Variants in CTBP2 observed in about 807,000 individuals in gnomAD.
CTBP2 encodes C-terminal binding protein 2.
CTBP2 carries 30 observed loss-of-function variants against 80.3 expected under a neutral mutation model. The observed-to-expected ratio is 0.37, with a 90% CI of 0.28 to 0.51. CTBP2 has a LOEUF of 0.51. Among genes scored for constraint, CTBP2 ranks in the 20% least tolerant of loss-of-function variants. The pLI, the probability that CTBP2 is intolerant of heterozygous loss-of-function variation, is 0.93. For missense variants in CTBP2, 1,212 were observed against 1,375.3 expected, an observed-to-expected ratio of 0.88 and a Z score of 1.88; for synonymous variants, 594 against 587.4, an observed-to-expected ratio of 1.01 and a Z score of -0.16.
At position 125,090,079 on chromosome 10, in the gene CTBP2, T is replaced by C. The variant is rs1848541561; in HGVS notation, c.-102+20911A>G. ...TGCTCTGGACAGGTAACTCCCCCTT[T>C]CATGGGCAGGGGTGGTAAAAGGAGC... is the stretch of plus-strand genomic sequence containing the variant. On this transcript the variant is annotated intron_variant, in intron 2 of 10. Transcript: ENST00000337195. Among the ~76,000 whole-genome samples, 4 of 151,956 alleles carry C rather than the reference T, an allele frequency of 2.6e-5. No homozygotes were observed. In the South Asian group the frequency reaches 8.3e-4, roughly 32 times the overall value.
intron 2 of CTBP2, among the ~76,000 whole-genome samples, chr10:125,052,511 C>T (rs1963020144): frequency 6.6e-6 from 1 of 152,238 alleles, no homozygotes; most frequent in Non-Finnish European, 1.5e-5. Flanking sequence ...ATTGTTTGGA[C>T]CGTCCTGCCT....
rs558467101 is a variant in CTBP2 at position 124,985,231 on chromosome 10, CTTT to C, written c.*4284_*4286del. ...AAAAACTAATTTTATTAAGACAGAA[CTTT>C]TTTTCCTTCCAAATTGTAAATCTGT... On this transcript the variant is annotated 3_prime_UTR_variant, in exon 9 of 9. Coordinates refer to ENST00000309035, the MANE Select transcript of CTBP2 (RefSeq NM_022802.3). 15 of 418,646 alleles carry C rather than the reference CTTT, an allele frequency of 3.6e-5. No individual in the cohort carries two copies. Among genetic ancestry groups the C allele is most frequent in the Non-Finnish European group, 5.9e-5 (14 of 235,880 alleles). The allele number at this position is 418,646 out of a possible 1,614,324, so 25.9% of individuals were successfully genotyped here.
Position 124,993,920 on chromosome 10 carries a change from T to A in CTBP2, c.2466A>T (p.Ala822=). 6.2e-7 allele frequency: 1 copy of A among 1,614,194 alleles called. No individual in the cohort carries two copies. Residue 822 remains alanine, a synonymous_variant, in exon 6 of 9, where the codon GCA becomes GCT. Coordinates refer to ENST00000309035, the MANE Select transcript of CTBP2 (RefSeq NM_022802.3). ...GTATCCTGCCCTCCTTGAGGGCTTGTGCTAAGGCTTTCTCGTCCACCAGGC... is the reference window on the plus strand; with the variant it reads ...GTATCCTGCCCTCCTTGAGGGCTTGAGCTAAGGCTTTCTCGTCCACCAGGC...
chr10:125,086,252 C>T (rs1847946706), intron 2 of CTBP2, among the ~76,000 whole-genome samples: 1 of 152,076 alleles, frequency 6.6e-6, no homozygotes, highest in Admixed American at 6.6e-5. Context: ...CTCTTTTGGC[C>T]AAGGCTCGGT....
At chr10:125,060,989 G>A (rs1207647996) in intron 2 of CTBP2, among the ~76,000 whole-genome samples, 1 of 152,096 alleles carries the variant, frequency 6.6e-6, no homozygotes, top group Admixed American at 6.5e-5. Flanking sequence ...GCACGCTAGG[G>A]CAGCCCATAG....
intron 2 of CTBP2, among the ~76,000 whole-genome samples, chr10:125,045,718 T>G (rs961823789): frequency 3.3e-5 from 5 of 152,154 alleles, no homozygotes; most frequent in African/African-American, 4.8e-5. Context: ...CTCAAACTCC[T>G]GACTTCAGGT....
At position 124,999,771 on chromosome 10, in the gene CTBP2, A is replaced by C. The variant is rs1201872965; in HGVS notation, c.1979-1601T>G. The C allele has an allele frequency of 2.0e-5, 3 of 152,276 alleles. No individual in the cohort carries two copies. The East Asian group carries it at 5.8e-4, about 29-fold the overall frequency. The allele number at this position is 152,276 out of a possible 1,614,324, so 9.4% of individuals were successfully genotyped here. A position where few individuals can be genotyped will look rare whatever the true frequency, so the allele number is the denominator to read the frequency against. On this transcript the variant is annotated intron_variant, in intron 3 of 8. Coordinates refer to ENST00000309035, the MANE Select transcript of CTBP2 (RefSeq NM_022802.3). ...AGCAGAGAAGCTGGGGCTTGATCAC[A>C]TGCCATGTTATTATTAAGTCAGACA...
chr10:125,149,898 G>A (rs552525578), intron 1 of CTBP2, among the ~76,000 whole-genome samples: 1 of 152,322 alleles, frequency 6.6e-6, no homozygotes, highest in African/African-American at 2.4e-5. Context: ...TCTTTGAAAA[G>A]AAGGCTGTTC....
At chr10:125,046,109 A>AC (rs35665159) in intron 2 of CTBP2, among the ~76,000 whole-genome samples, 14,676 of 152,134 alleles carry the variant, frequency 0.096, 791 homozygotes, top group South Asian at 0.21. Flanking sequence ...ATTACGGTGT[A>AC]CCCCCCAAAT....
In CTBP2 at chr10:125,007,198, A is replaced by G. The variant is rs1014582104; in HGVS notation, c.1679-3706T>C. On this transcript the variant is annotated intron_variant, in intron 1 of 8. Transcript: ENST00000309035. ...ATGACATCAGTGCCTTACTGTTGAC[A>G]GCTTGCCCACATTAACTGTGTAGAG... 4.8e-4 allele frequency among the ~76,000 whole-genome samples: 73 copies of G among 152,368 alleles called. 3 individuals carry two copies. Among genetic ancestry groups the G allele is most frequent in the Admixed American group, 4.5e-3 (69 of 15,310 alleles).
chr10:125,152,273 C>A (rs1039345373), intron 1 of CTBP2, among the ~76,000 whole-genome samples: 1 of 152,182 alleles, frequency 6.6e-6, no homozygotes, highest in Non-Finnish European at 1.5e-5. Context: ...GGAGGCCCGT[C>A]CTTGCAGCAG....
At chr10:125,104,305 G>A (rs1264178597) in intron 2 of CTBP2, among the ~76,000 whole-genome samples, 1 of 152,178 alleles carries the variant, frequency 6.6e-6, no homozygotes, top group Non-Finnish European at 1.5e-5. Context: ...GCTCTGCACT[G>A]CTGCTCATCC....
intron 1 of CTBP2, among the ~76,000 whole-genome samples, chr10:125,122,034 C>T (rs1854413352): frequency 6.6e-6 from 1 of 152,242 alleles, no homozygotes; most frequent in Non-Finnish European, 1.5e-5. Flanking sequence ...AGTCCTGGCT[C>T]CCCAAAAAGC....
intron 2 of CTBP2, 104 bp from the exon 5 acceptor site, chr10:125,003,208 G>A (rs1954771581): frequency 2.5e-6 from 4 of 1,584,502 alleles, no homozygotes; most frequent in East Asian, 2.2e-5. Flanking sequence ...TGAGGCAGAG[G>A]AGTTCAGCAG....
chr10:125,026,717 C>T lies in CTBP2; in HGVS notation c.1043G>A (p.Ser348Asn), dbSNP rs773510491. The stretch of plus-strand genomic sequence containing the variant: ...CCGCAGCTGCATTTCGGTCCTGCAG[C>T]TATTGGCCAGGCGGCTCAGAACACG... The change falls in exon 1 of 9, where the codon AGC (serine) becomes AAC (asparagine). Residue 348 changes from serine (S) to asparagine (N), a missense_variant. Physicochemically the swap from Ser to Asn is conservative, Grantham distance 46. Transcript: ENST00000309035. 3.4e-5 allele frequency: 55 copies of T among 1,612,718 alleles called. No individual in the cohort carries two copies. Among genetic ancestry groups the T allele is most frequent in the Non-Finnish European group, 4.2e-5 (49 of 1,179,914 alleles).
chr10:125,053,977 C>T (rs1032351771), intron 2 of CTBP2, among the ~76,000 whole-genome samples: 6 of 152,058 alleles, frequency 3.9e-5, no homozygotes, highest in East Asian at 1.9e-4. Flanking sequence ...CTGGGGAATC[C>T]GAAGCCGGAT....
intron 2 of CTBP2, among the ~76,000 whole-genome samples, chr10:125,077,423 T>C (rs1307070751): frequency 6.6e-6 from 1 of 152,124 alleles, no homozygotes; most frequent in Non-Finnish European, 1.5e-5. Flanking sequence ...GACTCCCTTA[T>C]CTGTGTTCTT....
intron 1 of CTBP2, among the ~76,000 whole-genome samples, chr10:125,024,043 C>T (rs1957310053): frequency 1.3e-5 from 2 of 152,166 alleles, no homozygotes; most frequent in African/African-American, 4.8e-5. Flanking sequence ...GACCAGAGGC[C>T]GGCGGGACTG....
intron 1 of CTBP2, among the ~76,000 whole-genome samples, chr10:125,126,888 T>G (rs963067873): frequency 6.6e-6 from 1 of 152,046 alleles, no homozygotes; most frequent in Non-Finnish European, 1.5e-5. Context: ...CCATCTGTCT[T>G]GCCTGCTGCA....
Sources: allele counts gnomAD v4.1 joint callset (sites outside exome capture counted in the v4.1 genomes callset), GRCh38; gene constraint gnomAD v4.1.1; transcripts MANE v1.5; gene names NCBI Gene and HGNC (gene_info 2026-07-23, HGNC 2026-07-21).